The following ANKRD62 variants were observed in gnomAD, a reference collection of about 807,000 sequenced individuals.
The protein encoded by ANKRD62 is ankyrin repeat domain-containing protein 62.
ANKRD62 carries 61 observed loss-of-function variants against 98.8 expected under a neutral mutation model. That is an observed-to-expected ratio of 0.62 (90% CI 0.50 to 0.76). ANKRD62 has a LOEUF of 0.76. Ranked by LOEUF, ANKRD62 falls within the 30% of genes least tolerant of loss-of-function variation. The probability of loss-of-function intolerance (pLI) is 0.00; values close to 1 mark genes in which losing one functional copy is unlikely to be tolerated. For missense variants in ANKRD62, 933 were observed against 1,082.9 expected, an observed-to-expected ratio of 0.86 and a Z score of 1.94; for synonymous variants, 341 against 367.9, an observed-to-expected ratio of 0.93 and a Z score of 0.84.
chr18:12,118,608 T>TAAA (rs34897974), intron 10 of ANKRD62, among the ~76,000 whole-genome samples: 1 of 141,114 alleles, frequency 7.1e-6, no homozygotes, highest in Non-Finnish European at 1.5e-5. Flanking sequence ...GGCTCTGTCT[T>TAAA]AAAAAAAAAA....
At chr18:12,181,360 A>G in the ANKRD62 span, among the ~76,000 whole-genome samples, 1 of 152,240 alleles carries the variant, frequency 6.6e-6, no homozygotes. Flanking sequence ...ACGGAAATTC[A>G]TGGAATAACA....
At chr18:12,151,581 C>G in the ANKRD62 span, among the ~76,000 whole-genome samples, 1 of 152,124 alleles carries the variant, frequency 6.6e-6, no homozygotes, top group African/African-American at 2.4e-5. Context: ...TAAACATACT[C>G]TTGAACCACA....
rs957659933 is a variant in ANKRD62, at chr18:12,127,859, G to T, written c.2674G>T (p.Ala892Ser). 2.1e-5 allele frequency: 32 copies of T among 1,524,100 alleles called. No homozygotes were observed. Among genetic ancestry groups the T allele is most frequent in the Non-Finnish European group, 2.7e-5 (31 of 1,142,040 alleles). The allele number at this position is 1,524,100 out of a possible 1,614,324, so 94.4% of individuals were successfully genotyped here. A position where few individuals can be genotyped will look rare whatever the true frequency, so the allele number is the denominator to read the frequency against. ...ACGTCGTATTAATTTAGAAGATGAG[G>T]CACAAAGTTTAAAAAAGAAATTAGG... ...SERRINLEDE[A>S]QSLKKKLGQM... The change falls in exon 14 of 14, where the codon GCA becomes TCA. Residue 892 changes from alanine to serine, a missense_variant. By Grantham distance (99) the Ala-to-Ser change is moderately conservative (BLOSUM62 1). This residue lies in a region of ANKRD62 where 362 missense variants were observed against 434.5 expected (regional missense o/e 0.83). Transcript: ENST00000587848.
intron 10 of ANKRD62, among the ~76,000 whole-genome samples, chr18:12,118,771 A>G (rs1291005472): frequency 1.3e-5 from 2 of 152,188 alleles, no homozygotes; most frequent in African/African-American, 4.8e-5. Context: ...ACCACAGTTT[A>G]TTCATTCACG....
intron 11 of ANKRD62, among the ~76,000 whole-genome samples, chr18:12,123,251 G>A (rs1454342854): frequency 6.6e-6 from 1 of 150,542 alleles, no homozygotes; most frequent in Non-Finnish European, 1.5e-5. Flanking sequence ...ATGAGGTTTT[G>A]CCATTTTGGC....
chr18:12,181,301 A>G, the ANKRD62 span, among the ~76,000 whole-genome samples: 9 of 152,250 alleles, frequency 5.9e-5, no homozygotes. Context: ...TAAATAAATT[A>G]GCCACCATAA....
intron 10 of ANKRD62, among the ~76,000 whole-genome samples, chr18:12,121,428 T>C (rs1909779306): frequency 6.6e-6 from 1 of 152,134 alleles, no homozygotes; most frequent in Non-Finnish European, 1.5e-5. Context: ...TTTTCTATCG[T>C]GTCCCCTCCA....
chr18:12,138,428 T>C, the ANKRD62 span, among the ~76,000 whole-genome samples: 1 of 152,252 alleles, frequency 6.6e-6, no homozygotes, highest in East Asian at 1.9e-4. Context: ...TTATAATTTC[T>C]GTTCTTTTAC....
At chr18:12,140,286 G>T in the ANKRD62 span, among the ~76,000 whole-genome samples, 2 of 151,902 alleles carry the variant, frequency 1.3e-5, no homozygotes, top group African/African-American at 4.8e-5. Flanking sequence ...TTTGCCATTG[G>T]TTCAAACTTC....
intron 12 of ANKRD62, among the ~76,000 whole-genome samples, chr18:12,125,037 A>G (rs984459409): frequency 6.6e-6 from 1 of 152,196 alleles, no homozygotes; most frequent in African/African-American, 2.4e-5. Flanking sequence ...AATTTGGAAA[A>G]TTTTATCTGT....
rs535216814 is a variant in ANKRD62 at position 12,096,357 on chromosome 18, T to C, written c.614+55T>C. On this transcript the variant is annotated intron_variant, in intron 4 of 13. Coordinates refer to ENST00000587848, the MANE Select transcript of ANKRD62 (RefSeq NM_001277333.2). ...AAACCTGAGTGGTGTTCTAGAGTGG[T>C]AACAGTCACTTGTCAGAAATATTAA... The C allele has an allele frequency of 9.0e-5, 86 of 952,864 alleles. No homozygotes were observed. The South Asian group carries it at 9.5e-4, about 11-fold the overall frequency. The allele number at this position is 952,864 out of a possible 1,614,324, so 59.0% of individuals were successfully genotyped here.
the ANKRD62 span, among the ~76,000 whole-genome samples, chr18:12,179,694 A>G: frequency 6.7e-6 from 1 of 149,400 alleles, no homozygotes; most frequent in Non-Finnish European, 1.5e-5. Flanking sequence ...TACCCAAACA[A>G]CCTTTTCAAG....
intron 13 of ANKRD62, among the ~76,000 whole-genome samples, chr18:12,127,176 A>T (rs1909909778): frequency 1.3e-5 from 2 of 152,186 alleles, no homozygotes; most frequent in South Asian, 4.1e-4. Context: ...GTGATTTATT[A>T]GTTTCACATT....
the ANKRD62 span, among the ~76,000 whole-genome samples, chr18:12,145,266 C>T: frequency 6.6e-6 from 1 of 152,178 alleles, no homozygotes; most frequent in Non-Finnish European, 1.5e-5. Flanking sequence ...GGAGGTCCCA[C>T]TGCTCTGCTA....
the ANKRD62 span, among the ~76,000 whole-genome samples, chr18:12,177,499 C>A: frequency 1.3e-5 from 2 of 152,078 alleles, no homozygotes; most frequent in Non-Finnish European, 2.9e-5. Context: ...TCTTTACCTG[C>A]ACATGGGGAG....
chr18:12,176,237 G>A, the ANKRD62 span, among the ~76,000 whole-genome samples: 1 of 151,230 alleles, frequency 6.6e-6, no homozygotes, highest in Non-Finnish European at 1.5e-5. Context: ...AACCTAAATG[G>A]CAGGACAAGG....
Position 12,129,358 on chromosome 18 carries a change from C to G in ANKRD62, c.*1419C>G, listed in dbSNP as rs1909959760. 6.6e-6 allele frequency: 1 copy of G among 152,152 alleles called. No individual in the cohort carries two copies. Among genetic ancestry groups the G allele is most frequent in the South Asian group, 2.1e-4 (1 of 4,828 alleles). The allele number at this position is 152,152 out of a possible 1,614,324, so 9.4% of individuals were successfully genotyped here. On this transcript the variant is annotated 3_prime_UTR_variant, in exon 14 of 14. Transcript: ENST00000587848. ...TTTGTGAGCCATAAGATCCCTGTTG[C>G]AACAACTCAACACTACAGTTACAGC... is the stretch of plus-strand genomic sequence containing the variant.
chr18:12,118,481 C>T (rs1455000569), intron 10 of ANKRD62, among the ~76,000 whole-genome samples: 3 of 151,762 alleles, frequency 2.0e-5, no homozygotes, highest in East Asian at 1.9e-4. Flanking sequence ...TGGTGGCGGG[C>T]GCCTGTAATC....
chr18:12,179,020 G>A, the ANKRD62 span, among the ~76,000 whole-genome samples: 1 of 139,710 alleles, frequency 7.2e-6, no homozygotes, highest in Non-Finnish European at 1.5e-5. Context: ...GAGGAGCCAA[G>A]CCAGGCATGT....
Sources: gnomAD v4.1 joint callset for allele counts (sites outside exome capture counted in the v4.1 genomes callset) on GRCh38, gnomAD v4.1.1 for gene constraint, gnomAD v4.1.1 regional missense constraint, MANE v1.5 for transcripts, NCBI Gene and HGNC (gene_info 2026-07-23, HGNC 2026-07-21) for gene names.